Variants in TTC21A observed in about 807,000 individuals in gnomAD.
TTC21A encodes tetratricopeptide repeat domain 21A.
TTC21A carries 128 observed loss-of-function variants against 156.4 expected under a neutral mutation model. The ratio of observed to expected loss-of-function variants is 0.82; its 90% CI spans 0.71 to 0.95. The LOEUF (loss-of-function observed/expected upper bound fraction) is 0.95. Among genes scored for constraint, TTC21A ranks in the 40% least tolerant of loss-of-function variants. The probability of loss-of-function intolerance (pLI) is 0.00; values close to 1 mark genes in which losing one functional copy is unlikely to be tolerated. For missense variants in TTC21A, 1,435 were observed against 1,602.3 expected (o/e 0.90, Z 1.78); for synonymous variants, 587 against 617.1 (o/e 0.95, Z 0.72).
At position 39,125,219 on chromosome 3, in the gene TTC21A, C is replaced by T. The variant is rs2038122439; in HGVS notation, c.1191+59C>T. 2.6e-6 allele frequency: 4 copies of T among 1,529,972 alleles called. No homozygotes were observed. In the South Asian group the frequency reaches 4.5e-5, roughly 17 times the overall value. The allele number at this position is 1,529,972 out of a possible 1,614,324, so 94.8% of individuals were successfully genotyped here. ...GATGATGTCCTCTGCTGTCCTCCCA[C>T]CCCCACTTTCCAATAGAAAGCATGC... On this transcript the variant is annotated intron_variant, in intron 10 of 28. Transcript: ENST00000683103.
intron 6 of TTC21A, 31 bp downstream of exon 6, chr3:39,114,773 G>T: frequency 6.2e-7 from 1 of 1,613,078 alleles, no homozygotes; most frequent in African/African-American, 1.3e-5. Context: ...GCAGCCAAGG[G>T]TGGTAACAGG....
rs1019289888 is a variant in TTC21A at position 39,134,525 on chromosome 3, G to A, written c.2862+197G>A. On this transcript the variant is annotated intron_variant, in intron 21 of 28. Coordinates refer to ENST00000683103, the MANE Select transcript of TTC21A (RefSeq NM_001366900.1). The surrounding 1 kb of genome is among the most constrained non-coding windows in gnomAD (Gnocchi z 4.6). ...CGGAAGCGGTAGGCTGGCTGGCAGT[G>A]GGCAGCATCAATCTCCTGGGCCAGT... The A allele has an allele frequency of 9.2e-6, 6 of 655,686 alleles. No individual in the cohort carries two copies. The highest frequency in any genetic ancestry group is 2.5e-4 in the Middle Eastern group (1 of 4,054). 40.6% of individuals were successfully genotyped at this position (655,686 alleles called of 1,614,324 possible). A position where few individuals can be genotyped will look rare whatever the true frequency, so the allele number is the denominator to read the frequency against.
At position 39,107,869 on chromosome 3, in the gene TTC21A, G is replaced by C. The variant is rs771320671; in HGVS notation, c.27+5G>C. On this transcript the variant is annotated splice_donor_5th_base_variant and intron_variant, in intron 1 of 28. Coordinates refer to ENST00000683103, the MANE Select transcript of TTC21A (RefSeq NM_001366900.1). ...AGCAATGACTCCTCCCTTATGGTGC[G>C]TGGCCCGGGCGCTGTCCGAGGGCTC... is the stretch of plus-strand genomic sequence containing the variant. The C allele has an allele frequency of 6.2e-7, 1 of 1,612,728 alleles. No homozygotes were observed. The highest frequency in any genetic ancestry group is 8.5e-7 in the Non-Finnish European group (1 of 1,179,968).
In TTC21A at chr3:39,130,146, C is replaced by G. The variant is rs905746468; in HGVS notation, c.2203C>G (p.Leu735Val). ...LLLGDALMSI[L>V]EPEKALEVYD... is the part of the protein sequence containing the mutation. Reference sequence around the variant, plus strand: ...ACTGGGCGATGCCTTAATGAGCATTCTGGAGGTAAGTGAGAGGCCTCACAG... The same window carrying G: ...ACTGGGCGATGCCTTAATGAGCATTGTGGAGGTAAGTGAGAGGCCTCACAG... Residue 735 changes from leucine (L) to valine (V), a missense_variant, in exon 16 of 29, where the codon CTG (leucine) becomes GTG (valine). By Grantham distance (32) the Leu-to-Val change is conservative (BLOSUM62 1). Coordinates refer to ENST00000683103, the MANE Select transcript of TTC21A (RefSeq NM_001366900.1). This position sits in a 1 kb window ranked among gnomAD's most constrained non-coding sequence, Gnocchi z 4.5. The G allele has an allele frequency of 6.2e-7, 1 of 1,613,918 alleles. No homozygotes were observed. Among genetic ancestry groups the G allele is most frequent in the Non-Finnish European group, 8.5e-7 (1 of 1,179,946 alleles).
intron 9 of TTC21A, among the ~76,000 whole-genome samples, chr3:39,122,424 C>T (rs763210158): frequency 4.6e-5 from 7 of 152,034 alleles, no homozygotes; most frequent in Non-Finnish European, 1.0e-4. Context: ...CATGGGAATT[C>T]GAAGCAGATC....
In TTC21A at chr3:39,129,092, G is replaced by A. The variant is rs764529872; in HGVS notation, c.1917G>A (p.Met639Ile). The A allele has an allele frequency of 6.2e-7, 1 of 1,614,230 alleles. No homozygotes were observed. Among genetic ancestry groups the A allele is most frequent in the Non-Finnish European group, 8.5e-7 (1 of 1,180,036 alleles). The stretch of plus-strand genomic sequence containing the variant: ...TTTAGCATGAGGCCACCAAGGTCAT[G>A]CAGGACACCATCAATGAGTTCGGTG... ...NGELHEATKVMQDTINEFGGT... is the reference protein window; with the variant it reads ...NGELHEATKVIQDTINEFGGT... The change falls in exon 15 of 29, where the codon ATG (methionine) becomes ATA (isoleucine). Residue 639 changes from methionine (M) to isoleucine (I), a missense_variant. Physicochemically the swap from Met to Ile is conservative, Grantham distance 10 (BLOSUM62 1). Transcript: ENST00000683103.
chr3:39,114,642 A>G lies in TTC21A; in HGVS notation c.616A>G (p.Ile206Val). The change falls in exon 6 of 29, where the codon ATC (isoleucine) becomes GTC (valine). Residue 206 changes from isoleucine (I) to valine (V), a missense_variant. By Grantham distance (29) the Ile-to-Val change is conservative (BLOSUM62 3). Transcript: ENST00000683103. ...YSEALEVVNQITVTSGSFLPA... is the reference protein window; with the variant it reads ...YSEALEVVNQVTVTSGSFLPA... ...AGAGGCCCTGGAGGTGGTGAACCAG[A>G]TCACTGTGACTTCAGGGAGCTTCCT... 1.2e-6 allele frequency: 2 copies of G among 1,614,206 alleles called. No individual in the cohort carries two copies. Among genetic ancestry groups the G allele is most frequent in the Non-Finnish European group, 1.7e-6 (2 of 1,180,024 alleles).
At chr3:39,137,898 G>A (rs2039256448) in intron 26 of TTC21A, 188 bp downstream of exon 26, 1 of 661,686 alleles carries the variant, frequency 1.5e-6, no homozygotes, top group Admixed American at 2.6e-5. Flanking sequence ...TGGACCAGGT[G>A]AGAGGAGGTG....
intron 8 of TTC21A, 24 bp downstream of exon 8, chr3:39,120,044 T>G: frequency 2.0e-6 from 3 of 1,510,482 alleles, no homozygotes; most frequent in Non-Finnish European, 2.8e-6. Context: ...TTCCTGGTTC[T>G]GAAATGGTGC....
rs1018548057 is a variant in TTC21A at position 39,130,712 on chromosome 3, T to C, written c.2331T>C (p.Tyr777=). ...CTGTTTGCACTAAGGCAATTGAGTA[T>C]TATGAGGCTGCCCAGAAGATTAATG... is the stretch of plus-strand genomic sequence containing the variant. ...KAHQYTEAIE[Y]YEAAQKINGQ... is the part of the protein sequence containing the mutation. Residue 777 remains tyrosine (Y), a synonymous_variant, in exon 18 of 29, where the codon TAT becomes TAC. Coordinates refer to ENST00000683103, the MANE Select transcript of TTC21A (RefSeq NM_001366900.1). The surrounding 1 kb of genome is among the most constrained non-coding windows in gnomAD (Gnocchi z 4.5). The C allele has an allele frequency of 3.1e-6, 5 of 1,614,194 alleles. No individual in the cohort carries two copies. Among genetic ancestry groups the C allele is most frequent in the Non-Finnish European group, 3.4e-6 (4 of 1,180,028 alleles).
At position 39,129,287 on chromosome 3, in the gene TTC21A, G is replaced by A; in HGVS notation, c.2112G>A (p.Arg704=). 6.2e-7 allele frequency: 1 copy of A among 1,614,138 alleles called. No homozygotes were observed. Among genetic ancestry groups the A allele is most frequent in the Non-Finnish European group, 8.5e-7 (1 of 1,179,954 alleles). Residue 704 remains arginine (R), a synonymous_variant, in exon 15 of 29, where the codon AGG becomes AGA. Coordinates refer to ENST00000683103, the MANE Select transcript of TTC21A (RefSeq NM_001366900.1). ...ANIYLQTLRD[R]RLYIRCYREL... ...TCTACCTGCAGACCCTCAGAGACAGGCGCCTCTACATCAGATGCTACCGGT... is the reference window on the plus strand; with the variant it reads ...TCTACCTGCAGACCCTCAGAGACAGACGCCTCTACATCAGATGCTACCGGT...
intron 7 of TTC21A, chr3:39,119,106 C>T (rs906330539): frequency 2.0e-5 from 3 of 152,242 alleles, no homozygotes; most frequent in African/African-American, 7.2e-5. Context: ...ATTTAGCTAA[C>T]TGAGATTTAG....
chr3:39,137,288 C>T lies in TTC21A; in HGVS notation c.3351C>T (p.Thr1117=). 6.2e-7 allele frequency: 1 copy of T among 1,614,186 alleles called. No individual in the cohort carries two copies. Among genetic ancestry groups the T allele is most frequent in the Non-Finnish European group, 8.5e-7 (1 of 1,180,046 alleles). ...EFYPHSDSSQ[T]QLRLLQGLCR... ...ACCCACATTCAGACTCCAGCCAGACCCAGCTGCGGCTGCTGCAGGGCCTCT... is the reference window on the plus strand; with the variant it reads ...ACCCACATTCAGACTCCAGCCAGACTCAGCTGCGGCTGCTGCAGGGCCTCT... Residue 1117 remains threonine, a synonymous_variant, in exon 25 of 29, where the codon ACC becomes ACT. Coordinates refer to ENST00000683103, the MANE Select transcript of TTC21A (RefSeq NM_001366900.1).
intron 22 of TTC21A, 31 bp downstream of exon 22, chr3:39,135,205 A>C: frequency 6.3e-7 from 1 of 1,591,174 alleles, no homozygotes; most frequent in South Asian, 1.1e-5. Flanking sequence ...TGCCTGTACC[A>C]GTTCCCACTG....
intron 1 of TTC21A, chr3:39,108,128 T>C: frequency 1.7e-6 from 1 of 574,386 alleles, no homozygotes; most frequent in Non-Finnish European, 3.1e-6. Flanking sequence ...CTTGTCATCA[T>C]CCCTTCTTCC....
chr3:39,112,498 A>G lies in TTC21A; in HGVS notation c.476A>G (p.Lys159Arg), dbSNP rs752551693. 4 of 1,614,216 alleles carry G rather than the reference A, an allele frequency of 2.5e-6. No homozygotes were observed. The highest frequency in any genetic ancestry group is 2.2e-5 in the South Asian group (2 of 91,082). The change falls in exon 5 of 29, where the codon AAG becomes AGG. Residue 159 changes from lysine to arginine, a missense_variant. By Grantham distance (26) the Lys-to-Arg change is conservative. Coordinates refer to ENST00000683103, the MANE Select transcript of TTC21A (RefSeq NM_001366900.1). The part of the protein sequence containing the change: ...LRGWVDLTSD[K>R]PHTAKKAIEY... The stretch of plus-strand genomic sequence containing the variant: ...GGCTGGGTGGACCTGACCTCAGACA[A>G]GCCCCACACTGCGAAGAAAGCCATT...
At position 39,134,408 on chromosome 3, in the gene TTC21A, C is replaced by A; in HGVS notation, c.2862+80C>A. On this transcript the variant is annotated intron_variant, in intron 21 of 28. Transcript: ENST00000683103. The surrounding 1 kb of genome is among the most constrained non-coding windows in gnomAD (Gnocchi z 4.6). Reference sequence around the variant, plus strand: ...CCTGTGACCAGATGCAGGCTACTTCCTAGCCCCGTAACCTCAGATGCCTCA... The same window carrying A: ...CCTGTGACCAGATGCAGGCTACTTCATAGCCCCGTAACCTCAGATGCCTCA... The A allele has an allele frequency of 9.9e-7, 1 of 1,009,876 alleles. No homozygotes were observed. The allele number at this position is 1,009,876 out of a possible 1,614,324, so 62.6% of individuals were successfully genotyped here.
chr3:39,138,171 C>T (rs760308737), intron 26 of TTC21A, 96 bp from the exon 27 acceptor site: 3 of 1,577,830 alleles, frequency 1.9e-6, no homozygotes, highest in Non-Finnish European at 2.6e-6. Context: ...ACTTCTGTCC[C>T]TTGCCTGCTT....
Position 39,111,523 on chromosome 3 carries a change from A to C in TTC21A, c.435+506A>C, listed in dbSNP as rs2036827405. ...CTCTGCTGGAACTGAATGGTGGCTCATGCAGTGCAGCCCATATACTGTATA... is the reference window on the plus strand; with the variant it reads ...CTCTGCTGGAACTGAATGGTGGCTCCTGCAGTGCAGCCCATATACTGTATA... On this transcript the variant is annotated intron_variant, in intron 4 of 28. Transcript: ENST00000683103. 3.9e-5 allele frequency among the ~76,000 whole-genome samples: 6 copies of C among 152,212 alleles called. 1 individual carries two copies. The South Asian group carries it at 1.2e-3, about 31-fold the overall frequency.
Sources: gnomAD v4.1 joint callset for allele counts (sites outside exome capture counted in the v4.1 genomes callset) on GRCh38, gnomAD v4.1.1 for gene constraint, Gnocchi (gnomAD v3.1) non-coding constraint, MANE v1.5 for transcripts, NCBI Gene and HGNC (gene_info 2026-07-23, HGNC 2026-07-21) for gene names.